RBFOX3: variants seen among roughly 807,000 people sequenced by gnomAD.
RBFOX3 encodes RNA binding protein fox-1 homolog 3.
Under a neutral mutation model 48.7 loss-of-function variants are expected in RBFOX3, and 17 were observed. That is an observed-to-expected ratio of 0.35 (90% confidence interval 0.24 to 0.52). RBFOX3 has a LOEUF of 0.52. Among genes scored for constraint, RBFOX3 ranks in the 20% least tolerant of loss-of-function variants. The pLI is 0.94. For missense variants in RBFOX3, 382 were observed against 497.5 expected (o/e 0.77, Z 2.21); for synonymous variants, 212 against 209.5 (o/e 1.01, Z -0.10).
At chr17:79,656,792 AAGAAAGAAAGAAAGAAAAGAAAG>A in the RBFOX3 span, among the ~76,000 whole-genome samples, 1 of 1,640 alleles carries the variant, frequency 6.1e-4, no homozygotes, top group African/African-American at 1.7e-3. Context: ...GAAAGAAAGA[AAGAAAGAAAGAAAGAAAAGAAAG>A]AGAAAGAAAG....
chr17:79,545,138 T>A (rs2090242361), intron 1 of RBFOX3, among the ~76,000 whole-genome samples: 1 of 152,170 alleles, frequency 6.6e-6, no homozygotes, highest in Admixed American at 6.5e-5. Context: ...GCTGAGAGCA[T>A]CTTTGATATG....
At position 79,214,006 on chromosome 17, in the gene RBFOX3, TCC is replaced by T. The variant is rs565863180; in HGVS notation, c.-34+21758_-34+21759del. ...AAACACTCAGCGGATCAGACTTGGT[TCC>T]GTTTCCGAAGGTGGTGCCAGCGGAT... On this transcript the variant is annotated intron_variant, in intron 4 of 14. Coordinates refer to ENST00000693108, the MANE Select transcript of RBFOX3 (RefSeq NM_001350451.2). This position sits in a 1 kb window ranked among gnomAD's most constrained non-coding sequence, Gnocchi z 4.7. Among the ~76,000 whole-genome samples, 26 of 152,320 alleles carry T rather than the reference TCC, an allele frequency of 1.7e-4. No individual in the cohort carries two copies. The South Asian group carries it at 5.4e-3, about 32-fold the overall frequency.
chr17:79,136,829 G>T (rs1191495258), intron 4 of RBFOX3, among the ~76,000 whole-genome samples: 1 of 152,178 alleles, frequency 6.6e-6, no homozygotes, highest in Non-Finnish European at 1.5e-5. Context: ...AGCTCCTCCT[G>T]GCCTGTGACA....
At chr17:79,271,748 A>G (rs1420424781) in intron 3 of RBFOX3, among the ~76,000 whole-genome samples, 1 of 92,120 alleles carries the variant, frequency 1.1e-5, no homozygotes, top group African/African-American at 3.5e-5. Flanking sequence ...CAGTAAGGAC[A>G]CTGGTCCTAA....
intron 2 of RBFOX3, among the ~76,000 whole-genome samples, chr17:79,346,490 A>G (rs1020941130): frequency 4.6e-5 from 7 of 152,210 alleles, no homozygotes; most frequent in Admixed American, 1.3e-4. Context: ...ACACTAGGTA[A>G]TCTTAATTAC....
chr17:79,103,300 A>C lies in RBFOX3; in HGVS notation c.415-46T>G. On this transcript the variant is annotated intron_variant, in intron 7 of 14. Transcript: ENST00000693108. The surrounding 1 kb of genome is among the most constrained non-coding windows in gnomAD (Gnocchi z 6.1). ...AGGACAGGCACGGAGAGGAGGACAC[A>C]GGGCGAGAAAGAGGAGGAAGACGAG... 7.9e-7 allele frequency: 1 copy of C among 1,273,118 alleles called. No individual in the cohort carries two copies. The allele number at this position is 1,273,118 out of a possible 1,614,324, so 78.9% of individuals were successfully genotyped here.
the RBFOX3 span, among the ~76,000 whole-genome samples, chr17:79,621,046 G>T: frequency 2.2e-4 from 33 of 150,320 alleles, no homozygotes; most frequent in Non-Finnish European, 1.5e-5. Flanking sequence ...TTGCCCAGGT[G>T]GGAGTGCAGT....
At chr17:79,484,714 C>T (rs77160967) in intron 1 of RBFOX3, among the ~76,000 whole-genome samples, 46,713 of 151,938 alleles carry the variant, frequency 0.31, 8,311 homozygotes, top group South Asian at 0.41. Flanking sequence ...GGCTTCTCTG[C>T]GACCTAAGTG....
chr17:79,365,588 C>T (rs750309266), intron 2 of RBFOX3, among the ~76,000 whole-genome samples: 23 of 152,244 alleles, frequency 1.5e-4, no homozygotes, highest in Non-Finnish European at 2.8e-4. Flanking sequence ...CTGAAGCCGG[C>T]GCGGCGGCAG....
chr17:79,465,904 C>T (rs781797271), intron 2 of RBFOX3, among the ~76,000 whole-genome samples: 30 of 152,212 alleles, frequency 2.0e-4, no homozygotes, highest in Non-Finnish European at 4.0e-4. Flanking sequence ...GCCACTCCTC[C>T]GGCTCCATCT....
rs79234574 is a variant in RBFOX3, at chr17:79,216,582, C to T, written c.-34+19184G>A. 3.0e-3 allele frequency among the ~76,000 whole-genome samples: 461 copies of T among 152,230 alleles called. 3 individuals are homozygous for T. Among genetic ancestry groups the T allele is most frequent in the African/African-American group, 0.011 (448 of 41,542 alleles). On this transcript the variant is annotated intron_variant, in intron 4 of 14. Coordinates refer to ENST00000693108, the MANE Select transcript of RBFOX3 (RefSeq NM_001350451.2). ...CTGCAGGAAGGAAGGTACCATGGCC[C>T]CTCAGGCCCAGAGCACAGGCCCCAC... is the stretch of plus-strand genomic sequence containing the variant.
At chr17:79,664,684 T>C in the RBFOX3 span, among the ~76,000 whole-genome samples, 1 of 152,118 alleles carries the variant, frequency 6.6e-6, no homozygotes, top group African/African-American at 2.4e-5. Context: ...TTCAGTGGCA[T>C]TACCTGGCCA....
In RBFOX3 at chr17:79,254,037, T is replaced by C. The variant is rs541723154; in HGVS notation, c.-73-18232A>G. On this transcript the variant is annotated intron_variant, in intron 3 of 14. Coordinates refer to ENST00000693108, the MANE Select transcript of RBFOX3 (RefSeq NM_001350451.2). The surrounding 1 kb of genome is among the most constrained non-coding windows in gnomAD (Gnocchi z 4.8). The stretch of plus-strand genomic sequence containing the variant: ...TGAGGGCGGGTATGGGAGGGAGCCT[T>C]CTCCCCAGCTGGTGGCAGGACTTCT... Among the ~76,000 whole-genome samples, 1 of 152,212 alleles carries C rather than the reference T, an allele frequency of 6.6e-6. No individual in the cohort carries two copies. Among genetic ancestry groups the C allele is most frequent in the African/African-American group, 2.4e-5 (1 of 41,530 alleles).
intron 2 of RBFOX3, among the ~76,000 whole-genome samples, chr17:79,469,449 T>C (rs2076785349): frequency 6.6e-6 from 1 of 152,184 alleles, no homozygotes; most frequent in Admixed American, 6.5e-5. Context: ...TCAGGGCGCC[T>C]GGTCCTGCCT....
chr17:79,387,893 AGT>A (rs902567896), intron 2 of RBFOX3, among the ~76,000 whole-genome samples: 2 of 148,214 alleles, frequency 1.3e-5, no homozygotes, highest in East Asian at 4.0e-4. Context: ...CATGTGCAAG[AGT>A]GTGTGATTGT....
intron 4 of RBFOX3, among the ~76,000 whole-genome samples, chr17:79,146,574 G>C (rs549882614): frequency 6.6e-6 from 1 of 152,232 alleles, no homozygotes; most frequent in Admixed American, 6.5e-5. Context: ...AAAGCCAGTC[G>C]GTTCCCAGGT....
intron 4 of RBFOX3, among the ~76,000 whole-genome samples, chr17:79,191,563 G>A (rs570936371): frequency 6.6e-6 from 1 of 152,360 alleles, no homozygotes; most frequent in South Asian, 2.1e-4. Context: ...GCGTGGCCCT[G>A]GGGAGGCCGA....
the RBFOX3 span, among the ~76,000 whole-genome samples, chr17:79,651,857 C>A: frequency 7.4e-6 from 1 of 134,866 alleles, no homozygotes; most frequent in Non-Finnish European, 1.6e-5. Flanking sequence ...CTTTCCCCCC[C>A]TCCACCACCC....
chr17:79,239,581 G>A (rs76640617), intron 3 of RBFOX3, among the ~76,000 whole-genome samples: 3,606 of 152,332 alleles, frequency 0.024, 92 homozygotes, highest in East Asian at 0.062. Flanking sequence ...CCCAGGAGAC[G>A]GCGGGGCACT....
Sources: allele counts gnomAD v4.1 joint callset (sites outside exome capture counted in the v4.1 genomes callset), GRCh38; gene constraint gnomAD v4.1.1; non-coding constraint Gnocchi (gnomAD v3.1); transcripts MANE v1.5; gene names NCBI Gene and HGNC (gene_info 2026-07-23, HGNC 2026-07-21).